The following TRHDE variants were observed in gnomAD, a reference collection of about 807,000 sequenced individuals.
The protein encoded by TRHDE is thyrotropin-releasing hormone-degrading ectoenzyme.
Under a neutral mutation model 125.7 loss-of-function variants are expected in TRHDE, and 72 were observed. That is an observed-to-expected ratio of 0.57 (90% CI 0.47 to 0.70). The LOEUF is 0.70. Among genes scored for constraint, TRHDE ranks in the 30% least tolerant of loss-of-function variants. The probability of loss-of-function intolerance (pLI) is 0.00; values close to 1 mark genes in which losing one functional copy is unlikely to be tolerated. For synonymous variants in TRHDE, 509 were observed against 509.1 expected, an observed-to-expected ratio of 1.00 and a Z score of 0.00; for missense variants, 1,110 against 1,327.1, an observed-to-expected ratio of 0.84 and a Z score of 2.54.
intron 2 of TRHDE, among the ~76,000 whole-genome samples, chr12:72,304,606 A>G (rs1208694238): frequency 6.6e-6 from 1 of 152,180 alleles, no homozygotes; most frequent in Admixed American, 6.6e-5. Context: ...TCTTGAGATG[A>G]CACAGTCAAA....
upstream of TRHDE, among the ~76,000 whole-genome samples, chr12:72,267,564 A>G (rs934316246): frequency 6.6e-6 from 1 of 151,912 alleles, no homozygotes; most frequent in African/African-American, 2.4e-5. Flanking sequence ...TTCTATTAAA[A>G]ACAACTTCAA....
At chr12:72,210,688 A>G (rs1271624978) in intron 2 of TRHDE, among the ~76,000 whole-genome samples, 4 of 152,152 alleles carry the variant, frequency 2.6e-5, no homozygotes, top group African/African-American at 9.7e-5. Context: ...GACAAAGTCT[A>G]TTTGCATTTG....
rs1340672268 is a variant in TRHDE at position 72,563,055 on chromosome 12, T to C, written c.2042+15T>C. ...CAGAATAACAGGTATGACATTCTTT[T>C]TTACGTGAAAAATATTGTTTTTATT... On this transcript the variant is annotated intron_variant, in intron 9 of 18. Coordinates refer to ENST00000261180, the MANE Select transcript of TRHDE (RefSeq NM_013381.3). The C allele has an allele frequency of 6.5e-7, 1 of 1,528,058 alleles. No individual in the cohort carries two copies. Among genetic ancestry groups the C allele is most frequent in the African/African-American group, 1.4e-5 (1 of 71,332 alleles). 94.7% of individuals were successfully genotyped at this position (1,528,058 alleles called of 1,614,324 possible).
intron 6 of TRHDE, among the ~76,000 whole-genome samples, chr12:72,508,119 A>G (rs1254039786): frequency 6.6e-6 from 1 of 152,232 alleles, no homozygotes; most frequent in Non-Finnish European, 1.5e-5. Context: ...GCAGGGGCAG[A>G]GCCCTCATAG....
intron 12 of TRHDE, among the ~76,000 whole-genome samples, chr12:72,604,484 T>C (rs1228613094): frequency 2.0e-5 from 3 of 152,072 alleles, no homozygotes; most frequent in Non-Finnish European, 4.4e-5. Context: ...TAGCATTGTA[T>C]ATTAAATAAT....
At chr12:72,360,725 G>A (rs1343550359) in intron 2 of TRHDE, among the ~76,000 whole-genome samples, 1 of 151,758 alleles carries the variant, frequency 6.6e-6, no homozygotes, top group Non-Finnish European at 1.5e-5. Context: ...ACAGTTGATT[G>A]TGAAAGCCAA....
intron 15 of TRHDE, 82 bp downstream of exon 15, chr12:72,621,833 T>G: frequency 9.4e-7 from 1 of 1,068,102 alleles, no homozygotes. Context: ...ATTTACCAAC[T>G]GGAGAAAAAC....
chr12:72,358,182 A>C (rs1870907323), intron 2 of TRHDE, among the ~76,000 whole-genome samples: 1 of 151,504 alleles, frequency 6.6e-6, no homozygotes, highest in Admixed American at 6.6e-5. Flanking sequence ...GAGTTTAGAG[A>C]AATAGCAGAA....
chr12:72,475,598 T>C (rs958442335), intron 5 of TRHDE, among the ~76,000 whole-genome samples: 1 of 152,144 alleles, frequency 6.6e-6, no homozygotes, highest in Admixed American at 6.6e-5. Flanking sequence ...ATTGTAAATA[T>C]AGGAATTCTG....
chr12:72,419,264 G>C (rs1873853037), intron 3 of TRHDE, among the ~76,000 whole-genome samples: 1 of 152,160 alleles, frequency 6.6e-6, no homozygotes, highest in Admixed American at 6.5e-5. Context: ...GAAGTTGCTA[G>C]AGAAAAAATG....
At chr12:72,099,042 G>C (rs1440754982) in intron 1 of TRHDE, among the ~76,000 whole-genome samples, 1 of 152,048 alleles carries the variant, frequency 6.6e-6, no homozygotes, top group African/African-American at 2.4e-5. Flanking sequence ...GTGGGCCCCT[G>C]TAATCCCAGC....
chr12:72,251,592 T>C (rs1412998433), intron 2 of TRHDE, among the ~76,000 whole-genome samples: 2 of 152,110 alleles, frequency 1.3e-5, no homozygotes, highest in African/African-American at 4.8e-5. Context: ...ACGGTTCCAA[T>C]TTTTGGCTAC....
chr12:72,327,085 T>C (rs1388839735), intron 2 of TRHDE, among the ~76,000 whole-genome samples: 1 of 152,044 alleles, frequency 6.6e-6, no homozygotes, highest in Non-Finnish European at 1.5e-5. Flanking sequence ...TTTTTTTTGG[T>C]GTGACTTCCT....
chr12:72,448,675 T>C (rs1875420368), intron 3 of TRHDE, among the ~76,000 whole-genome samples: 1 of 150,690 alleles, frequency 6.6e-6, no homozygotes, highest in Non-Finnish European at 1.5e-5. Context: ...CTCTAAAGTG[T>C]CTTAGAGTAT....
chr12:72,232,522 A>G (rs1035946152), intron 2 of TRHDE, among the ~76,000 whole-genome samples: 1 of 152,110 alleles, frequency 6.6e-6, no homozygotes, highest in Non-Finnish European at 1.5e-5. Flanking sequence ...GTCTCTCCCT[A>G]GTCAGCGAGG....
At position 72,163,081 on chromosome 12, in the gene TRHDE, C is replaced by T. The variant is rs1876670393; in HGVS notation, n.279+57329C>T. On this transcript the variant is annotated intron_variant and non_coding_transcript_variant, in intron 2 of 4. Transcript: ENST00000548156. ...TTTAGATGGAAATCAGATGGAAAGC[C>T]TGATGCTGCAGTTTGTTGAATTATA... The T allele has an allele frequency of 2.6e-5, 4 of 152,028 alleles. No homozygotes were observed. The South Asian group carries it at 8.3e-4, about 32-fold the overall frequency. The allele number at this position is 152,028 out of a possible 1,614,324, so 9.4% of individuals were successfully genotyped here.
intron 3 of TRHDE, among the ~76,000 whole-genome samples, chr12:72,422,843 A>G (rs1384843563): frequency 1.3e-5 from 2 of 152,290 alleles, no homozygotes; most frequent in East Asian, 1.9e-4. Flanking sequence ...CATTATAAGA[A>G]GGGCTTGTGG....
intron 7 of TRHDE, among the ~76,000 whole-genome samples, chr12:72,550,044 T>C (rs1233500511): frequency 6.6e-6 from 1 of 152,052 alleles, no homozygotes; most frequent in South Asian, 2.1e-4. Context: ...TTATTGGTTA[T>C]CTTTTATCTA....
At chr12:72,603,019 A>ACCAAC (rs1872269624) in intron 12 of TRHDE, among the ~76,000 whole-genome samples, 1 of 152,294 alleles carries the variant, frequency 6.6e-6, no homozygotes, top group African/African-American at 2.4e-5. Flanking sequence ...GAACTATAAC[A>ACCAAC]CCAAGCAAAA....
Sources: gnomAD v4.1 joint callset for allele counts (sites outside exome capture counted in the v4.1 genomes callset) on GRCh38, gnomAD v4.1.1 for gene constraint, MANE v1.5 for transcripts, NCBI Gene and HGNC (gene_info 2026-07-23, HGNC 2026-07-21) for gene names.